TEK: variants seen among roughly 807,000 people sequenced by gnomAD.
TEK encodes TEK receptor tyrosine kinase.
A neutral mutation model predicts 131.8 loss-of-function variants in TEK; 43 were observed. The ratio of observed to expected loss-of-function variants is 0.33; its 90% CI spans 0.26 to 0.42. The LOEUF (loss-of-function observed/expected upper bound fraction) is 0.42. Ranked by LOEUF, TEK falls within the 10% of genes least tolerant of loss-of-function variation. The pLI is 1.00. For missense variants in TEK, 1,162 were observed against 1,384.4 expected (o/e 0.84, Z 2.55); for synonymous variants, 580 against 491.6 (o/e 1.18, Z -2.38).
At chr9:27,118,949 C>A (rs10967725) in intron 1 of TEK, among the ~76,000 whole-genome samples, 2 of 152,304 alleles carry the variant, frequency 1.3e-5, no homozygotes, top group African/African-American at 2.4e-5. Context: ...GTCTTTAGTA[C>A]GAGAGAATGA....
At chr9:27,225,404 G>T (rs1232436343) in intron 21 of TEK, among the ~76,000 whole-genome samples, 2 of 152,048 alleles carry the variant, frequency 1.3e-5, no homozygotes, top group African/African-American at 4.8e-5. Flanking sequence ...ATAGACCAAA[G>T]GAACAAGACA....
Position 27,119,424 on chromosome 9 carries a change from C to T in TEK, c.52+9782C>T, listed in dbSNP as rs1021330631. Among the ~76,000 whole-genome samples the T allele has an allele frequency of 6.6e-5, 10 of 152,144 alleles. No homozygotes were observed. The South Asian group carries it at 8.3e-4, about 13-fold the overall frequency. On this transcript the variant is annotated intron_variant, in intron 1 of 22. Coordinates refer to ENST00000380036, the MANE Select transcript of TEK (RefSeq NM_000459.5). ...TTGGTTATAAATGAAACTGGTGTCT[C>T]ATATGTTACCTTATGTTACTCCTTT...
intron 20 of TEK, among the ~76,000 whole-genome samples, chr9:27,219,487 GAGGGTAGGGAACA>G (rs944056744): frequency 3.9e-5 from 6 of 152,292 alleles, no homozygotes; most frequent in African/African-American, 7.2e-5. Context: ...GGGCCTGTCA[GAGGGTAGGGAACA>G]AGGGGAGGGA....
At chr9:27,123,078 A>AAAAAC (rs1821859603) in intron 1 of TEK, among the ~76,000 whole-genome samples, 1 of 147,686 alleles carries the variant, frequency 6.8e-6, no homozygotes, top group African/African-American at 2.5e-5. Context: ...AAAAAAAAAA[A>AAAAAC]CTGGAGGAAA....
chr9:27,213,309 T>C (rs185575181), intron 17 of TEK, among the ~76,000 whole-genome samples, 175 bp from the exon 18 acceptor site: 1 of 152,270 alleles, frequency 6.6e-6, no homozygotes, highest in Admixed American at 6.5e-5. Flanking sequence ...CAAGATGTGG[T>C]GTGTCATTTG....
At chr9:27,211,053 C>T (rs1183486890) in intron 16 of TEK, among the ~76,000 whole-genome samples, 1 of 151,304 alleles carries the variant, frequency 6.6e-6, no homozygotes, top group Non-Finnish European at 1.5e-5. Context: ...ACCTGGGAGG[C>T]GGAGGTTGCA....
In TEK at chr9:27,229,281, C is replaced by A; in HGVS notation, c.*49C>A. 1 of 1,558,042 alleles carries A rather than the reference C, an allele frequency of 6.4e-7. No individual in the cohort carries two copies. Among genetic ancestry groups the A allele is most frequent in the Non-Finnish European group, 8.9e-7 (1 of 1,129,188 alleles). ...GTTTCCCTTTCACTGGCATGGGAGACCCTTGACACCTGCTGAGAAAACATG... is the reference window on the plus strand; with the variant it reads ...GTTTCCCTTTCACTGGCATGGGAGAACCTTGACACCTGCTGAGAAAACATG... On this transcript the variant is annotated 3_prime_UTR_variant, in exon 23 of 23. Coordinates refer to ENST00000380036, the MANE Select transcript of TEK (RefSeq NM_000459.5).
At chr9:27,213,635 GAGGT>G (rs1477949857) in intron 18 of TEK, 38 bp downstream of exon 18, 1 of 1,489,432 alleles carries the variant, frequency 6.7e-7, no homozygotes, top group African/African-American at 1.4e-5. Flanking sequence ...CATCCTTTCC[GAGGT>G]ACTCCCCTGT....
At chr9:27,137,921 T>C (rs1366254104) in intron 1 of TEK, among the ~76,000 whole-genome samples, 1 of 152,216 alleles carries the variant, frequency 6.6e-6, no homozygotes, top group East Asian at 1.9e-4. Context: ...TTCTTAAAGA[T>C]GGTGTGTCCA....
chr9:27,214,137 C>CT (rs1438997262), intron 18 of TEK, among the ~76,000 whole-genome samples: 1 of 150,502 alleles, frequency 6.6e-6, no homozygotes, highest in Non-Finnish European at 1.5e-5. Flanking sequence ...AATATTTTAT[C>CT]TTTAAGTACA....
intron 1 of TEK, among the ~76,000 whole-genome samples, chr9:27,127,193 T>C (rs1229397699): frequency 6.6e-6 from 1 of 152,200 alleles, no homozygotes; most frequent in Non-Finnish European, 1.5e-5. Flanking sequence ...GTGTTCTCAT[T>C]GTTCAGCTCC....
chr9:27,162,324 C>T (rs970430275), intron 2 of TEK, among the ~76,000 whole-genome samples: 2 of 152,140 alleles, frequency 1.3e-5, no homozygotes, highest in Non-Finnish European at 2.9e-5. Flanking sequence ...TTGAGATGTG[C>T]CAAAACACAG....
intron 13 of TEK, among the ~76,000 whole-genome samples, chr9:27,203,783 A>G (rs961442065): frequency 5.3e-5 from 8 of 152,252 alleles, no homozygotes; most frequent in African/African-American, 1.7e-4. Flanking sequence ...TGTGTGCCAG[A>G]GAATGTAGAT....
chr9:27,224,807 A>C (rs773001733), intron 21 of TEK, among the ~76,000 whole-genome samples: 1 of 152,230 alleles, frequency 6.6e-6, no homozygotes, highest in Non-Finnish European at 1.5e-5. Context: ...GGAAGAGAGG[A>C]AGTCAAACTG....
At chr9:27,204,872 A>G (rs1455600140) in intron 13 of TEK, 39 bp from the exon 14 acceptor site, 1 of 1,612,444 alleles carries the variant, frequency 6.2e-7, no homozygotes, top group Admixed American at 1.7e-5. Flanking sequence ...TTCTCTATGT[A>G]AACTAAACTA....
intron 1 of TEK, among the ~76,000 whole-genome samples, chr9:27,142,392 T>C (rs1822760438): frequency 1.3e-5 from 2 of 152,172 alleles, no homozygotes; most frequent in Admixed American, 1.3e-4. Context: ...CATTTATTAT[T>C]GGGAAGACAG....
chr9:27,150,932 G>A (rs1268095392), intron 1 of TEK, among the ~76,000 whole-genome samples: 1 of 152,172 alleles, frequency 6.6e-6, no homozygotes, highest in Non-Finnish European at 1.5e-5. Flanking sequence ...CCATTTGGCT[G>A]GAAAGCAGGG....
chr9:27,225,678 C>T (rs937913687), intron 21 of TEK, among the ~76,000 whole-genome samples: 4 of 152,118 alleles, frequency 2.6e-5, no homozygotes, highest in African/African-American at 9.7e-5. Context: ...TAGGCATGGG[C>T]AAAGACTTCA....
At chr9:27,127,353 A>C (rs1409850611) in intron 1 of TEK, among the ~76,000 whole-genome samples, 1 of 152,198 alleles carries the variant, frequency 6.6e-6, no homozygotes, top group Non-Finnish European at 1.5e-5. Flanking sequence ...TATGTGCCAC[A>C]TATTCTTTAT....
Sources: gnomAD v4.1 joint callset for allele counts (sites outside exome capture counted in the v4.1 genomes callset) on GRCh38, gnomAD v4.1.1 for gene constraint, MANE v1.5 for transcripts, NCBI Gene and HGNC (gene_info 2026-07-23, HGNC 2026-07-21) for gene names.